The following ITGA8 variants were observed in gnomAD, a reference collection of about 807,000 sequenced individuals.
The protein encoded by ITGA8 is integrin alpha-8.
ITGA8 carries 91 observed loss-of-function variants against 142.3 expected under a neutral mutation model. The ratio of observed to expected loss-of-function variants is 0.64; its 90% CI spans 0.54 to 0.76. ITGA8 has a LOEUF of 0.76. Ranked by LOEUF, ITGA8 falls within the 30% of genes least tolerant of loss-of-function variation. ITGA8 has a pLI of 0.00. For synonymous variants in ITGA8, 505 were observed against 485.2 expected (o/e 1.04, Z -0.54); for missense variants, 1,406 against 1,327.7 (o/e 1.06, Z -0.92).
intron 2 of ITGA8, among the ~76,000 whole-genome samples, chr10:15,714,577 T>C (rs979441588): frequency 1.3e-5 from 2 of 152,214 alleles, no homozygotes; most frequent in African/African-American, 4.8e-5. Flanking sequence ...ATGCTTCTAG[T>C]ATTCATGCAT....
rs539197393 is a variant in ITGA8 at position 15,713,590 on chromosome 10, T to C, written c.343+5176A>G. 2.6e-5 allele frequency among the ~76,000 whole-genome samples: 4 copies of C among 152,254 alleles called. No homozygotes were observed. The East Asian group carries it at 7.7e-4, about 29-fold the overall frequency. On this transcript the variant is annotated intron_variant, in intron 2 of 29. Transcript: ENST00000378076. ...AAAACTGATTTCTTTCCGGGGAAAC[T>C]AGAAAGGCAAGACTTATGCAGCCAA... is the stretch of plus-strand genomic sequence containing the variant.
chr10:15,583,456 A>G (rs1326952122), intron 23 of ITGA8, among the ~76,000 whole-genome samples: 7 of 152,188 alleles, frequency 4.6e-5, no homozygotes, highest in Non-Finnish European at 8.8e-5. Flanking sequence ...TGGCACTTGT[A>G]TACCTATGTA....
At position 15,683,942 on chromosome 10, in the gene ITGA8, T is replaced by G; in HGVS notation, c.568+62A>C. 5.6e-6 allele frequency: 9 copies of G among 1,599,008 alleles called. No individual in the cohort carries two copies. The South Asian group carries it at 1.0e-4, about 18-fold the overall frequency. Reference sequence around the variant, plus strand: ...AATGGTGTTTTGAGCCTACCTGCACTCCTGTCTACGATAGAAAAGCACTTG... The same window carrying G: ...AATGGTGTTTTGAGCCTACCTGCACGCCTGTCTACGATAGAAAAGCACTTG... On this transcript the variant is annotated intron_variant, in intron 4 of 29. Transcript: ENST00000378076.
chr10:15,641,167 C>T (rs1343333741), intron 13 of ITGA8, among the ~76,000 whole-genome samples: 4 of 152,146 alleles, frequency 2.6e-5, no homozygotes, highest in South Asian at 2.1e-4. Flanking sequence ...AGTTCTCCTG[C>T]CTCAGCTGCC....
intron 2 of ITGA8, among the ~76,000 whole-genome samples, chr10:15,696,481 A>T (rs960757817): frequency 6.6e-6 from 1 of 152,196 alleles, no homozygotes; most frequent in African/African-American, 2.4e-5. Flanking sequence ...TTACAGGTAA[A>T]AATAAATTAG....
intron 18 of ITGA8, 29 bp from the exon 19 acceptor site, chr10:15,605,820 A>T: frequency 6.3e-7 from 1 of 1,587,912 alleles, no homozygotes; most frequent in Non-Finnish European, 8.6e-7. Flanking sequence ...CGTCAGGAAC[A>T]ATCTAGGAAA....
chr10:15,545,850 TA>T (rs1419374446), intron 27 of ITGA8, among the ~76,000 whole-genome samples: 1 of 152,240 alleles, frequency 6.6e-6, no homozygotes, highest in African/African-American at 2.4e-5. Context: ...TTGTGTTCTT[TA>T]AAAAACGTAA....
chr10:15,711,940 A>G (rs1835371459), intron 2 of ITGA8, among the ~76,000 whole-genome samples: 1 of 152,208 alleles, frequency 6.6e-6, no homozygotes, highest in East Asian at 1.9e-4. Flanking sequence ...CCATCTAGTG[A>G]CATTCATCTA....
chr10:15,600,729 C>A (rs1414397711), intron 20 of ITGA8, among the ~76,000 whole-genome samples: 2 of 152,134 alleles, frequency 1.3e-5, no homozygotes, highest in Non-Finnish European at 2.9e-5. Context: ...AAGGAGTTGG[C>A]AAGACAAACT....
intron 8 of ITGA8, among the ~76,000 whole-genome samples, chr10:15,666,690 C>T (rs1040618205): frequency 6.6e-6 from 1 of 152,048 alleles, no homozygotes; most frequent in Non-Finnish European, 1.5e-5. Context: ...TGAGATATGT[C>T]CCATCAATAC....
chr10:15,542,735 G>A (rs566803306), intron 27 of ITGA8, among the ~76,000 whole-genome samples: 15 of 152,238 alleles, frequency 9.9e-5, no homozygotes, highest in African/African-American at 3.6e-4. Context: ...GACTCGGGAA[G>A]GCCATATAAT....
intron 6 of ITGA8, among the ~76,000 whole-genome samples, chr10:15,675,814 C>T (rs1834618526): frequency 6.6e-6 from 1 of 152,152 alleles, no homozygotes; most frequent in African/African-American, 2.4e-5. Context: ...AAAGACAAAA[C>T]TGCTTAGCAT....
At chr10:15,644,335 A>G in intron 12 of ITGA8, 114 bp from the exon 13 acceptor site, 4 of 946,058 alleles carry the variant, frequency 4.2e-6, no homozygotes, top group Non-Finnish European at 6.2e-6. Flanking sequence ...TGGTGGGATC[A>G]TGGCTCACCG....
Position 15,649,139 on chromosome 10 carries a change from T to G in ITGA8, c.1002-2088A>C, listed in dbSNP as rs180714717. 2.7e-3 allele frequency among the ~76,000 whole-genome samples: 411 copies of G among 152,084 alleles called. 1 individual carries two copies. The highest frequency in any genetic ancestry group is 9.3e-3 in the African/African-American group (387 of 41,460). ...CTGAGTAGAGTGAGGGTAGAGTGAGTGTCTAGACATGCTTGGTGCTAGGGG... is the reference window on the plus strand; with the variant it reads ...CTGAGTAGAGTGAGGGTAGAGTGAGGGTCTAGACATGCTTGGTGCTAGGGG... On this transcript the variant is annotated intron_variant, in intron 11 of 29. Coordinates refer to ENST00000378076, the MANE Select transcript of ITGA8 (RefSeq NM_003638.3).
chr10:15,715,890 GGTAT>G (rs1464236807), intron 2 of ITGA8, among the ~76,000 whole-genome samples: 1 of 152,210 alleles, frequency 6.6e-6, no homozygotes, highest in African/African-American at 2.4e-5. Context: ...GCACAGATGA[GGTAT>G]AGAGGGTGAG....
chr10:15,564,794 T>G (rs1834049554), intron 25 of ITGA8, among the ~76,000 whole-genome samples: 1 of 152,238 alleles, frequency 6.6e-6, no homozygotes, highest in African/African-American at 2.4e-5. Context: ...AATTTGTTTT[T>G]GGATTTCAGG....
intron 16 of ITGA8, 148 bp downstream of exon 16, chr10:15,608,087 T>A (rs1429330342): frequency 3.0e-6 from 2 of 667,030 alleles, no homozygotes; most frequent in African/African-American, 3.7e-5. Flanking sequence ...AGTATTGAAG[T>A]AATATTTATT....
intron 22 of ITGA8, among the ~76,000 whole-genome samples, chr10:15,587,932 C>T (rs759226919): frequency 6.6e-6 from 1 of 152,154 alleles, no homozygotes; most frequent in African/African-American, 2.4e-5. Flanking sequence ...TAGCTTCCAT[C>T]TGAATTTTAT....
intron 29 of ITGA8, 90 bp from the exon 30 acceptor site, chr10:15,517,334 T>A: frequency 1.1e-6 from 1 of 871,080 alleles, no homozygotes; most frequent in East Asian, 2.7e-5. Context: ...ATGTATTTTT[T>A]TTTTTTTAAA....
Sources: allele counts gnomAD v4.1 joint callset (sites outside exome capture counted in the v4.1 genomes callset), GRCh38; gene constraint gnomAD v4.1.1; transcripts MANE v1.5; gene names NCBI Gene and HGNC (gene_info 2026-07-23, HGNC 2026-07-21).